FGGY: variants seen among roughly 807,000 people sequenced by gnomAD.
The protein encoded by FGGY is FGGY carbohydrate kinase domain-containing protein.
A neutral mutation model predicts 71.3 loss-of-function variants in FGGY; 72 were observed. That is an observed-to-expected ratio of 1.01 (90% CI 0.84 to 1.23). The LOEUF (loss-of-function observed/expected upper bound fraction) is 1.23. FGGY is among the 50% of genes most tolerant of loss of function. FGGY has a pLI of 0.00. For missense variants in FGGY, 668 were observed against 682.3 expected (o/e 0.98, Z 0.23); for synonymous variants, 251 against 250.3 (o/e 1.00, Z -0.02).
intron 14 of FGGY, chr1:59,755,187 G>A (rs1466992913): frequency 6.6e-6 from 1 of 152,190 alleles, no homozygotes; most frequent in African/African-American, 2.4e-5. Flanking sequence ...ATTCTTCAGG[G>A]TGGTCTGTTT....
At chr1:59,728,404 A>G (rs1462350659) in intron 14 of FGGY, among the ~76,000 whole-genome samples, 2 of 152,008 alleles carry the variant, frequency 1.3e-5, no homozygotes, top group Admixed American at 6.6e-5. Context: ...TATTGTTACT[A>G]TTGTTACTTT....
intron 6 of FGGY, among the ~76,000 whole-genome samples, chr1:59,487,940 G>T (rs746381260): frequency 4.6e-5 from 7 of 151,792 alleles, no homozygotes; most frequent in Non-Finnish European, 1.0e-4. Flanking sequence ...CTAAAGAAAA[G>T]CCAGAAAGTG....
At chr1:59,468,139 G>A (rs1193234452) in intron 6 of FGGY, among the ~76,000 whole-genome samples, 2 of 152,126 alleles carry the variant, frequency 1.3e-5, no homozygotes, top group African/African-American at 4.8e-5. Context: ...TCGACCTCAA[G>A]TGATCCGCCC....
chr1:59,435,016 C>T (rs1184406633), intron 5 of FGGY, among the ~76,000 whole-genome samples: 3 of 152,020 alleles, frequency 2.0e-5, no homozygotes, highest in Admixed American at 6.6e-5. Flanking sequence ...GGGACAGATG[C>T]GGGGCAGATA....
intron 14 of FGGY, among the ~76,000 whole-genome samples, chr1:59,709,621 G>A (rs1472929368): frequency 6.6e-6 from 1 of 152,190 alleles, no homozygotes; most frequent in Non-Finnish European, 1.5e-5. Context: ...GAATCTACTT[G>A]CAAGTGAGAG....
At chr1:59,701,714 CTG>C (rs1333105478) in intron 14 of FGGY, among the ~76,000 whole-genome samples, 1 of 151,926 alleles carries the variant, frequency 6.6e-6, no homozygotes, top group Non-Finnish European at 1.5e-5. Context: ...GTGTGTGTTT[CTG>C]TGTGTTTGGA....
At chr1:59,740,282 T>C (rs989637046) in intron 14 of FGGY, among the ~76,000 whole-genome samples, 1 of 152,248 alleles carries the variant, frequency 6.6e-6, no homozygotes, top group Non-Finnish European at 1.5e-5. Context: ...CTACAATGAC[T>C]ATTATCAAAC....
intron 6 of FGGY, among the ~76,000 whole-genome samples, chr1:59,495,815 G>A (rs2094012109): frequency 6.6e-6 from 1 of 152,046 alleles, no homozygotes; most frequent in Non-Finnish European, 1.5e-5. Flanking sequence ...TTATTTCTGT[G>A]CTCTCTATTC....
At chr1:59,721,618 A>G (rs2097897113) in intron 14 of FGGY, among the ~76,000 whole-genome samples, 1 of 151,898 alleles carries the variant, frequency 6.6e-6, no homozygotes. Context: ...GATTACAGGC[A>G]TAAGCCACCA....
intron 8 of FGGY, among the ~76,000 whole-genome samples, chr1:59,576,665 G>T (rs1237619056): frequency 7.4e-6 from 1 of 134,436 alleles, no homozygotes; most frequent in African/African-American, 2.9e-5. Context: ...CAGACAGACA[G>T]ACAGACAGAC....
intron 6 of FGGY, among the ~76,000 whole-genome samples, chr1:59,499,528 C>T (rs555591273): frequency 6.6e-6 from 1 of 151,946 alleles, no homozygotes; most frequent in South Asian, 2.1e-4. Context: ...TAGAGTTGAC[C>T]ATGAGAAATT....
intron 11 of FGGY, among the ~76,000 whole-genome samples, chr1:59,657,141 C>A (rs1200566311): frequency 6.6e-6 from 1 of 152,190 alleles, no homozygotes; most frequent in Non-Finnish European, 1.5e-5. Context: ...GATATCAGAA[C>A]CCATTACATT....
chr1:59,352,873 AAGAT>A (rs1385647030), intron 4 of FGGY, among the ~76,000 whole-genome samples: 1 of 152,188 alleles, frequency 6.6e-6, no homozygotes, highest in South Asian at 2.1e-4. Context: ...AACTTCATGA[AAGAT>A]AGACAATATA....
chr1:59,329,276 T>C (rs1027197478), intron 2 of FGGY, among the ~76,000 whole-genome samples: 3 of 152,088 alleles, frequency 2.0e-5, no homozygotes, highest in Non-Finnish European at 2.9e-5. Flanking sequence ...GTTTGTGCTG[T>C]ACCGTAGTCT....
intron 7 of FGGY, among the ~76,000 whole-genome samples, chr1:59,536,141 G>T (rs1030202801): frequency 3.3e-5 from 5 of 151,812 alleles, no homozygotes; most frequent in Non-Finnish European, 7.4e-5. Context: ...AAATGATAAA[G>T]GGGATATCAC....
At chr1:59,715,507 T>C (rs1338021215) in intron 14 of FGGY, among the ~76,000 whole-genome samples, 1 of 152,216 alleles carries the variant, frequency 6.6e-6, no homozygotes, top group Non-Finnish European at 1.5e-5. Context: ...AATTTGGTCT[T>C]GGTTCTAATA....
intron 1 of FGGY, chr1:59,315,581 T>G (rs960862811): frequency 5.8e-4 from 89 of 152,370 alleles, no homozygotes; most frequent in African/African-American, 2.1e-3. Context: ...AAGATTGTTC[T>G]GCTCTTCCAG....
intron 6 of FGGY, among the ~76,000 whole-genome samples, chr1:59,477,758 G>A (rs566761327): frequency 8.5e-5 from 13 of 152,182 alleles, no homozygotes; most frequent in South Asian, 8.3e-4. Context: ...ATGATTTTAC[G>A]ATGTTTATTA....
intron 14 of FGGY, among the ~76,000 whole-genome samples, chr1:59,740,208 G>A (rs2101239105): frequency 6.6e-6 from 1 of 152,304 alleles, no homozygotes; most frequent in East Asian, 1.9e-4. Context: ...CCCAATGTGA[G>A]TGTCAATCTC....
Sources: allele counts gnomAD v4.1 joint callset (sites outside exome capture counted in the v4.1 genomes callset), GRCh38; gene constraint gnomAD v4.1.1; transcripts MANE v1.5; gene names NCBI Gene and HGNC (gene_info 2026-07-23, HGNC 2026-07-21).